The following COL24A1 variants were observed in gnomAD, a reference collection of about 807,000 sequenced individuals.
COL24A1 encodes collagen alpha-1(XXIV) chain.
Under a neutral mutation model 253.9 loss-of-function variants are expected in COL24A1, and 224 were observed. The observed-to-expected ratio is 0.88, with a 90% CI of 0.79 to 0.99. The LOEUF is 0.99. Ranked by LOEUF, COL24A1 falls within the 50% of genes least tolerant of loss-of-function variation. The pLI, the probability that COL24A1 is intolerant of heterozygous loss-of-function variation, is 0.00. For missense variants in COL24A1, 2,131 were observed against 2,068.5 expected (o/e 1.03, Z -0.59); for synonymous variants, 685 against 673.7 (o/e 1.02, Z -0.26).
At chr1:86,041,992 C>A (rs1456438577) in intron 12 of COL24A1, among the ~76,000 whole-genome samples, 3 of 152,012 alleles carry the variant, frequency 2.0e-5, no homozygotes, top group Admixed American at 2.0e-4. Flanking sequence ...CCCAGGGTAT[C>A]CTCTAATATT....
chr1:85,913,884 T>C (rs1290371765), intron 24 of COL24A1, among the ~76,000 whole-genome samples: 1 of 152,212 alleles, frequency 6.6e-6, no homozygotes, highest in East Asian at 1.9e-4. Context: ...TCCAGGCTAC[T>C]ATAACAAAAA....
At chr1:86,088,977 T>C (rs533596275) in intron 7 of COL24A1, among the ~76,000 whole-genome samples, 197 bp downstream of exon 7, 29 of 152,274 alleles carry the variant, frequency 1.9e-4, no homozygotes, top group Admixed American at 1.8e-3. Context: ...GATGATGGCA[T>C]CCTAATTTTC....
At chr1:85,962,965 A>T (rs944297773) in intron 23 of COL24A1, among the ~76,000 whole-genome samples, 3 of 152,170 alleles carry the variant, frequency 2.0e-5, no homozygotes, top group Non-Finnish European at 2.9e-5. Flanking sequence ...CTACAAAACA[A>T]GAATAGAAAA....
intron 24 of COL24A1, among the ~76,000 whole-genome samples, chr1:85,923,308 C>T (rs937950656): frequency 6.6e-6 from 1 of 152,158 alleles, no homozygotes; most frequent in Non-Finnish European, 1.5e-5. Context: ...CTCAGCTCTG[C>T]ACCAAGTGGA....
At chr1:85,934,177 A>C (rs572109545) in intron 24 of COL24A1, among the ~76,000 whole-genome samples, 1 of 152,322 alleles carries the variant, frequency 6.6e-6, no homozygotes, top group African/African-American at 2.4e-5. Context: ...AGAGTGAGAA[A>C]GGAAGAAGCT....
At chr1:86,028,053 A>G (rs1571656071) in intron 14 of COL24A1, among the ~76,000 whole-genome samples, 1 of 151,778 alleles carries the variant, frequency 6.6e-6, no homozygotes, top group Non-Finnish European at 1.5e-5. Flanking sequence ...TTTGGCCAAT[A>G]TCTCCTATTT....
intron 7 of COL24A1, among the ~76,000 whole-genome samples, chr1:86,082,241 A>T (rs894135820): frequency 7.9e-5 from 12 of 152,166 alleles, no homozygotes; most frequent in African/African-American, 2.4e-4. Flanking sequence ...TATACTCTAC[A>T]TGCTTTAACA....
In COL24A1 at chr1:86,046,840, A is replaced by G; in HGVS notation, c.1935T>C (p.Gly645=). Residue 645 remains glycine, a synonymous_variant, in exon 12 of 60, where the codon GGT becomes GGC. Coordinates refer to ENST00000370571, the MANE Select transcript of COL24A1 (RefSeq NM_152890.7). ...RGIPGIRGKK[G]FKGRQGFPGD... ...ATTAAGATACCTGTCTCCCCTTAAA[A>G]CCCTTCTTTCCACGGATCCCAGGAA... is the stretch of plus-strand genomic sequence containing the variant. 1 of 1,610,360 alleles carries G rather than the reference A, an allele frequency of 6.2e-7. No individual in the cohort carries two copies. The highest frequency in any genetic ancestry group is 8.5e-7 in the Non-Finnish European group (1 of 1,176,942).
At chr1:85,937,672 G>A (rs1347335173) in intron 24 of COL24A1, among the ~76,000 whole-genome samples, 1 of 147,250 alleles carries the variant, frequency 6.8e-6, no homozygotes, top group Non-Finnish European at 1.5e-5. Flanking sequence ...AATTCAACAA[G>A]GCTAATATAA....
intron 52 of COL24A1, among the ~76,000 whole-genome samples, chr1:85,779,702 G>A (rs1459338977): frequency 1.3e-5 from 2 of 152,106 alleles, no homozygotes; most frequent in African/African-American, 2.4e-5. Flanking sequence ...ATATACTTAA[G>A]ATCAAATTCT....
At chr1:86,032,016 T>A in intron 13 of COL24A1, 94 bp from the exon 14 acceptor site, 1 of 952,942 alleles carries the variant, frequency 1.0e-6, no homozygotes, top group South Asian at 1.6e-5. Flanking sequence ...TAGCTAAGAA[T>A]ACATCAAAAT....
At chr1:86,044,321 C>T (rs1308313649) in intron 12 of COL24A1, among the ~76,000 whole-genome samples, 1 of 151,970 alleles carries the variant, frequency 6.6e-6, no homozygotes, top group African/African-American at 2.4e-5. Flanking sequence ...CTAAGGTCAC[C>T]CTTGCCATAA....
At chr1:85,736,781 G>A (rs1664103118) in intron 58 of COL24A1, among the ~76,000 whole-genome samples, 1 of 151,992 alleles carries the variant, frequency 6.6e-6, no homozygotes, top group South Asian at 2.1e-4. Context: ...ACATAGTTTT[G>A]GTTTCAATAT....
intron 37 of COL24A1, among the ~76,000 whole-genome samples, chr1:85,865,265 G>A (rs555307161): frequency 6.6e-6 from 1 of 152,148 alleles, no homozygotes; most frequent in South Asian, 2.1e-4. Flanking sequence ...TTTTTAAAGT[G>A]CAAAAATAAA....
At chr1:85,898,035 C>G (rs527781491) in intron 28 of COL24A1, among the ~76,000 whole-genome samples, 11 of 151,934 alleles carry the variant, frequency 7.2e-5, no homozygotes, top group African/African-American at 1.2e-4. Context: ...AACAGATACT[C>G]AAAGAATAAA....
rs1688467491 is a variant in COL24A1, at chr1:85,938,837, G to T, written c.2562+22412C>A. ...GCTTGGAGTAAACTATAAAAGCCCA[G>T]TTACTTAAGCCTAGCATGGGACTAC... is the stretch of plus-strand genomic sequence containing the variant. On this transcript the variant is annotated intron_variant, in intron 24 of 59. Coordinates refer to ENST00000370571, the MANE Select transcript of COL24A1 (RefSeq NM_152890.7). Among the ~76,000 whole-genome samples, 4 of 118,056 alleles carry T rather than the reference G, an allele frequency of 3.4e-5. 1 individual carries two copies. Among genetic ancestry groups the T allele is most frequent in the Non-Finnish European group, 5.6e-5 (3 of 53,140 alleles). 77.4% of individuals were successfully genotyped at this position (118,056 alleles called of 152,430 possible).
At chr1:85,935,715 C>G (rs1236239759) in intron 24 of COL24A1, among the ~76,000 whole-genome samples, 1 of 146,902 alleles carries the variant, frequency 6.8e-6, no homozygotes, top group Non-Finnish European at 1.5e-5. Flanking sequence ...GAAGGCTTGA[C>G]TGACAGTTTA....
intron 24 of COL24A1, among the ~76,000 whole-genome samples, chr1:85,958,269 T>A (rs564711532): frequency 6.6e-6 from 1 of 152,264 alleles, no homozygotes; most frequent in Admixed American, 6.5e-5. Context: ...CTGGCTAACT[T>A]ATATCATTCT....
chr1:85,999,918 T>C (rs1269517413), intron 19 of COL24A1, among the ~76,000 whole-genome samples: 1 of 152,202 alleles, frequency 6.6e-6, no homozygotes, highest in Non-Finnish European at 1.5e-5. Context: ...ATGCTGCCTC[T>C]GACATAGCTT....
Sources: gnomAD v4.1 joint callset for allele counts (sites outside exome capture counted in the v4.1 genomes callset) on GRCh38, gnomAD v4.1.1 for gene constraint, MANE v1.5 for transcripts, NCBI Gene and HGNC (gene_info 2026-07-23, HGNC 2026-07-21) for gene names.